Variants in LRRC27 observed in about 807,000 individuals in gnomAD.
LRRC27 encodes the protein leucine-rich repeat-containing protein 27.
A neutral mutation model predicts 55.0 loss-of-function variants in LRRC27; 57 were observed. That is an observed-to-expected ratio of 1.04 (90% CI 0.84 to 1.29). LRRC27 has a LOEUF of 1.29. Ranked by LOEUF, LRRC27 falls within the 50% of genes most tolerant of loss-of-function variation. The probability of loss-of-function intolerance (pLI) is 0.00; values close to 1 mark genes in which losing one functional copy is unlikely to be tolerated. For missense variants in LRRC27, 721 were observed against 651.5 expected (o/e 1.11, Z -1.16); for synonymous variants, 278 against 251.9 (o/e 1.10, Z -0.98).
chr10:132,331,303 A>G, upstream of LRRC27: 1 of 876,692 alleles, frequency 1.1e-6, no homozygotes, highest in East Asian at 2.7e-5. Context: ...GCTACTTTTC[A>G]TTATCAGTTG....
At chr10:132,334,411 T>A (rs2067015769) in intron 2 of LRRC27, among the ~76,000 whole-genome samples, 1 of 152,202 alleles carries the variant, frequency 6.6e-6, no homozygotes, top group Non-Finnish European at 1.5e-5. Context: ...GACTTTCTTT[T>A]TGTATTTTTA....
chr10:132,347,879 C>A (rs1024114880), intron 5 of LRRC27, 105 bp from the exon 6 acceptor site: 12 of 1,394,710 alleles, frequency 8.6e-6, no homozygotes, highest in Non-Finnish European at 1.1e-5. Context: ...CATGGAGGAT[C>A]TGGGCACCCC....
chr10:132,333,328 T>A (rs1010301330), intron 1 of LRRC27, 149 bp from the exon 2 acceptor site: 4 of 425,348 alleles, frequency 9.4e-6, no homozygotes, highest in African/African-American at 2.1e-5. Context: ...TTTTTTTTTT[T>A]ACATGTTTAA....
At chr10:132,339,515 T>C (rs1387033835) in intron 3 of LRRC27, among the ~76,000 whole-genome samples, 1 of 151,804 alleles carries the variant, frequency 6.6e-6, no homozygotes, top group Non-Finnish European at 1.5e-5. Context: ...AGGAGAAGAG[T>C]GTTCCGGGGC....
chr10:132,331,805 C>T (rs760330646), upstream of LRRC27: 10 of 1,594,580 alleles, frequency 6.3e-6, no homozygotes, highest in African/African-American at 1.3e-5. Context: ...TCTACTTGCC[C>T]GTCGACCACC....
Position 132,375,300 on chromosome 10 carries a change from C to T in LRRC27, c.*58C>T. ...AGACAGGAGCCGCTCAGTCTTCTTT[C>T]CCGGGCGTCGCCTCCTGTGTGGTGC... On this transcript the variant is annotated 3_prime_UTR_variant, in exon 11 of 11. Transcript: ENST00000368614. 6.6e-7 allele frequency: 1 copy of T among 1,523,100 alleles called. No individual in the cohort carries two copies. 94.3% of individuals were successfully genotyped at this position (1,523,100 alleles called of 1,614,324 possible).
chr10:132,333,817 A>G, intron 2 of LRRC27, 83 bp downstream of exon 2: 3 of 1,041,784 alleles, frequency 2.9e-6, no homozygotes, highest in Non-Finnish European at 4.2e-6. Context: ...CTTTATTTGT[A>G]GGCTTCTTTC....
chr10:132,355,939 G>T, intron 8 of LRRC27, 53 bp downstream of exon 8: 1 of 1,332,272 alleles, frequency 7.5e-7, no homozygotes, highest in Non-Finnish European at 1.0e-6. Context: ...GGGGGTGGGT[G>T]GGTGCTCACA....
At chr10:132,368,124 C>T (rs569389207) in intron 10 of LRRC27, among the ~76,000 whole-genome samples, 2 of 152,244 alleles carry the variant, frequency 1.3e-5, no homozygotes, top group East Asian at 3.9e-4. Context: ...AACAATGGTA[C>T]TAAGTAAAAA....
chr10:132,337,591 G>C lies in LRRC27; in HGVS notation c.237G>C (p.Leu79=), dbSNP rs2067197407. 2 of 1,614,060 alleles carry C rather than the reference G, an allele frequency of 1.2e-6. No homozygotes were observed. The highest frequency in any genetic ancestry group is 1.6e-4 in the Middle Eastern group (1 of 6,084). ...LQQLHLQRNA[L]CVIPQDFFQL... is the part of the protein sequence containing the mutation. ...AATTGCATCTGCAAAGGAATGCCCT[G>C]TGTGTGATTCCTCAAGATTTCTTTC... is the stretch of plus-strand genomic sequence containing the variant. Residue 79 remains leucine, a synonymous_variant, in exon 3 of 11, where the codon CTG becomes CTC. Transcript: ENST00000368614.
At chr10:132,353,404 G>T in intron 7 of LRRC27, 1 of 1,031,092 alleles carries the variant, frequency 9.7e-7, no homozygotes, top group Non-Finnish European at 1.2e-6. Flanking sequence ...CCACCCCGTT[G>T]TGTGTGTGCT....
At chr10:132,337,474 A>G (rs2067191759) in intron 2 of LRRC27, 91 bp from the exon 3 acceptor site, 4 of 1,542,436 alleles carry the variant, frequency 2.6e-6, no homozygotes, top group Admixed American at 2.0e-5. Flanking sequence ...TCTGGTTGTT[A>G]GTAGTTCTTT....
At chr10:132,358,259 C>T (rs1022505919) in intron 8 of LRRC27, among the ~76,000 whole-genome samples, 16 of 152,132 alleles carry the variant, frequency 1.1e-4, no homozygotes, top group South Asian at 2.1e-4. Flanking sequence ...GTAGGGTGGA[C>T]GTGAGGCGCC....
rs199929957 is a variant in LRRC27, at chr10:132,375,129, C to G, written c.1480C>G (p.Arg494Gly). 76 of 1,613,986 alleles carry G rather than the reference C, an allele frequency of 4.7e-5. No homozygotes were observed. Among genetic ancestry groups the G allele is most frequent in the Non-Finnish European group, 6.1e-5 (72 of 1,180,008 alleles). Reference protein sequence around the residue: ...KLGLTLNKDRRRAALTGNLSL... With the variant: ...KLGLTLNKDRGRAALTGNLSL... Reference sequence around the variant, plus strand: ...GGGATTAACCTTGAACAAAGATCGTCGACGGGCGGCCCTCACTGGAAACCT... The same window carrying G: ...GGGATTAACCTTGAACAAAGATCGTGGACGGGCGGCCCTCACTGGAAACCT... Residue 494 changes from arginine (R) to glycine (G), a missense_variant, in exon 11 of 11, where the codon CGA becomes GGA. Coordinates refer to ENST00000368614, the MANE Select transcript of LRRC27 (RefSeq NM_030626.3).
Position 132,348,964 on chromosome 10 carries a change from A to G in LRRC27, c.926+608A>G, listed in dbSNP as rs2067862772. ...ATTTTATTTTCCTTTCACACCCAGG[A>G]CAAGGGTCCCTAGGAAACAGGCTCT... On this transcript the variant is annotated intron_variant, in intron 6 of 10. Coordinates refer to ENST00000368614, the MANE Select transcript of LRRC27 (RefSeq NM_030626.3). This position sits in a 1 kb window ranked among gnomAD's most constrained non-coding sequence, Gnocchi z 4.2. 1.2e-6 allele frequency: 2 copies of G among 1,603,140 alleles called. No individual in the cohort carries two copies. The highest frequency in any genetic ancestry group is 2.7e-5 in the African/African-American group (2 of 74,674).
chr10:132,355,221 G>A lies in LRRC27; in HGVS notation c.1074-569G>A, dbSNP rs964596416. On this transcript the variant is annotated intron_variant, in intron 7 of 10. Transcript: ENST00000368614. ...CTCCCGAGTAGCTGGAACTAGAGGC[G>A]CCCACCACTACACCCGGCTAATTTT... Among the ~76,000 whole-genome samples the A allele has an allele frequency of 1.1e-4, 16 of 151,926 alleles. 1 individual carries two copies. The highest frequency in any genetic ancestry group is 6.2e-4 in the South Asian group (3 of 4,806).
Position 132,359,067 on chromosome 10 carries a change from GAGC to G in LRRC27, c.1171-2386_1171-2384del, listed in dbSNP as rs372309119. ...AGTGTGGGGAGGAGCCGAGGTGGTG[GAGC>G]AGCGTGGGGAGGAGCCGAGGTGATG... On this transcript the variant is annotated intron_variant, in intron 8 of 10. Coordinates refer to ENST00000368614, the MANE Select transcript of LRRC27 (RefSeq NM_030626.3). 3.2e-4 allele frequency among the ~76,000 whole-genome samples: 9 copies of G among 27,928 alleles called. 1 individual carries two copies. Among genetic ancestry groups the G allele is most frequent in the South Asian group, 1.2e-3 (1 of 842 alleles). The allele number at this position is 27,928 out of a possible 152,430, so 18.3% of individuals were successfully genotyped here. A position where few individuals can be genotyped will look rare whatever the true frequency, so the allele number is the denominator to read the frequency against.
In LRRC27 at chr10:132,351,943, C is replaced by T. The variant is rs545010610; in HGVS notation, c.1073+190C>T. ...GTGCCCCTTGTGGTCTGTAGCGCCA[C>T]GCACGGGCTCGCTTGTTTGCAGCCC... On this transcript the variant is annotated intron_variant, in intron 7 of 10. Transcript: ENST00000368614. Among the ~76,000 whole-genome samples, 42 of 152,330 alleles carry T rather than the reference C, an allele frequency of 2.8e-4. No individual in the cohort carries two copies. The East Asian group carries it at 6.2e-3, about 22-fold the overall frequency.
intron 4 of LRRC27, among the ~76,000 whole-genome samples, chr10:132,342,531 C>A (rs760070944): frequency 5.9e-5 from 9 of 152,188 alleles, no homozygotes; most frequent in Non-Finnish European, 1.2e-4. Flanking sequence ...GCTAAGGAAA[C>A]TGAAGGCCCC....
Sources: gnomAD v4.1 joint callset for allele counts (sites outside exome capture counted in the v4.1 genomes callset) on GRCh38, gnomAD v4.1.1 for gene constraint, Gnocchi (gnomAD v3.1) non-coding constraint, MANE v1.5 for transcripts, NCBI Gene and HGNC (gene_info 2026-07-23, HGNC 2026-07-21) for gene names.